FAM117A: variants seen among roughly 807,000 people sequenced by gnomAD.
FAM117A encodes the protein protein FAM117A.
In FAM117A, 21 loss-of-function variants were observed where a neutral mutation model predicts 44.1. The observed-to-expected ratio is 0.48, with a 90% CI of 0.34 to 0.69. The LOEUF (loss-of-function observed/expected upper bound fraction) is 0.69, where lower values mean the gene tolerates loss of function less well. Among genes scored for constraint, FAM117A ranks in the 30% least tolerant of loss-of-function variants. The probability of loss-of-function intolerance (pLI) is 0.01; values close to 1 mark genes in which losing one functional copy is unlikely to be tolerated. For synonymous variants in FAM117A, 220 were observed against 238.3 expected (o/e 0.92, Z 0.71); for missense variants, 498 against 589.9 (o/e 0.84, Z 1.61).
intron 1 of FAM117A, among the ~76,000 whole-genome samples, chr17:49,762,273 T>C (rs1054232817): frequency 6.6e-6 from 1 of 152,234 alleles, no homozygotes; most frequent in African/African-American, 2.4e-5. Context: ...CGGTTCTTGT[T>C]CTACCAACTT....
rs1393408673 is a variant in FAM117A at position 49,722,465 on chromosome 17, C to A, written c.462+34G>T. On this transcript the variant is annotated intron_variant, in intron 3 of 7. Coordinates refer to ENST00000240364, the MANE Select transcript of FAM117A (RefSeq NM_030802.4). ...GTACTAGGGGATCGAGAAGAAGCCG[C>A]TACCCTAGGCAGGGAGTCAAAGTGG... is the stretch of plus-strand genomic sequence containing the variant. 5 of 1,573,138 alleles carry A rather than the reference C, an allele frequency of 3.2e-6. No individual in the cohort carries two copies. In the South Asian group the frequency reaches 4.5e-5, roughly 14 times the overall value.
intron 1 of FAM117A, among the ~76,000 whole-genome samples, chr17:49,736,954 G>A (rs1431549367): frequency 1.3e-5 from 2 of 152,232 alleles, no homozygotes; most frequent in Non-Finnish European, 2.9e-5. Flanking sequence ...CTAAAGCATA[G>A]GGCTGGCAAT....
rs2073524523 is a variant in FAM117A, at chr17:49,719,778, T to C, written c.690A>G (p.Gly230=). 2 of 1,593,638 alleles carry C rather than the reference T, an allele frequency of 1.3e-6. No homozygotes were observed. Among genetic ancestry groups the C allele is most frequent in the African/African-American group, 2.7e-5 (2 of 73,370 alleles). ...CACTCACCCTCAGCAGCTCCTCTTCTCCCTGCTCCTTCACAAATACCTCCT... is the reference window on the plus strand; with the variant it reads ...CACTCACCCTCAGCAGCTCCTCTTCCCCCTGCTCCTTCACAAATACCTCCT... ...ELEEVFVKEQ[G]EEELLRILDI... The change falls in exon 5 of 8, where the codon GGA becomes GGG. Residue 230 remains glycine (G), a synonymous_variant. Coordinates refer to ENST00000240364, the MANE Select transcript of FAM117A (RefSeq NM_030802.4).
At chr17:49,732,945 T>C in intron 1 of FAM117A, 1 of 539,798 alleles carries the variant, frequency 1.9e-6, no homozygotes, top group Admixed American at 3.1e-5. Flanking sequence ...TATACCATTT[T>C]ACTTTGGACT....
upstream of FAM117A, among the ~76,000 whole-genome samples, chr17:49,765,174 GA>G (rs756626428): frequency 3.8e-4 from 58 of 151,942 alleles, no homozygotes; most frequent in South Asian, 2.1e-3. Flanking sequence ...TGCTTCAAAA[GA>G]AAAAAAATAT....
chr17:49,737,555 G>A (rs1009946816), intron 1 of FAM117A, among the ~76,000 whole-genome samples: 1 of 152,216 alleles, frequency 6.6e-6, no homozygotes, highest in African/African-American at 2.4e-5. Context: ...ATAAGTGACA[G>A]GAGAAAGGTT....
At chr17:49,755,959 T>C (rs999338348) in intron 1 of FAM117A, among the ~76,000 whole-genome samples, 3 of 152,060 alleles carry the variant, frequency 2.0e-5, no homozygotes, top group Non-Finnish European at 4.4e-5. Context: ...AGCTGCAGGG[T>C]GAGTTCCATT....
chr17:49,767,816 T>C (rs946331009), upstream of FAM117A, among the ~76,000 whole-genome samples: 3 of 152,010 alleles, frequency 2.0e-5, no homozygotes, highest in Non-Finnish European at 4.4e-5. Context: ...AGGCAGAGAA[T>C]TGCTTGAACC....
rs186681838 is a variant in FAM117A, at chr17:49,753,277, C to T, written c.196+10615G>A. Among the ~76,000 whole-genome samples, 23 of 152,324 alleles carry T rather than the reference C, an allele frequency of 1.5e-4. 1 individual carries two copies. In the East Asian group the frequency reaches 4.4e-3, roughly 29 times the overall value. ...CTGGGCAGGTGGCAGTGGATGCCAGCCTGAGACAAAATTCACAACGGACTT... is the reference window on the plus strand; with the variant it reads ...CTGGGCAGGTGGCAGTGGATGCCAGTCTGAGACAAAATTCACAACGGACTT... On this transcript the variant is annotated intron_variant, in intron 1 of 7. Transcript: ENST00000240364.
intron 1 of FAM117A, among the ~76,000 whole-genome samples, chr17:49,778,832 A>G (rs2073781918): frequency 6.6e-6 from 1 of 152,218 alleles, no homozygotes; most frequent in Non-Finnish European, 1.5e-5. Flanking sequence ...AAGAATCCAA[A>G]TAACACACAC....
chr17:49,722,710 A>G (rs1208226371), intron 2 of FAM117A, 116 bp from the exon 3 acceptor site: 1 of 745,398 alleles, frequency 1.3e-6, no homozygotes, highest in Non-Finnish European at 2.3e-6. Flanking sequence ...TCTGCTCATC[A>G]ACCTCTGAAC....
At chr17:49,768,741 C>T (rs2073752377), upstream of FAM117A, among the ~76,000 whole-genome samples, 1 of 152,054 alleles carries the variant, frequency 6.6e-6, no homozygotes, top group South Asian at 2.1e-4. Context: ...GGGTCCTAGC[C>T]CTCAGCATCT....
intron 1 of FAM117A, among the ~76,000 whole-genome samples, chr17:49,786,252 G>A (rs1045321200): frequency 1.3e-5 from 2 of 152,186 alleles, no homozygotes; most frequent in Non-Finnish European, 2.9e-5. Flanking sequence ...GTCAGCTGCA[G>A]TCTTAGGGAA....
intron 1 of FAM117A, among the ~76,000 whole-genome samples, chr17:49,780,560 G>T (rs2073786812): frequency 6.6e-6 from 1 of 152,102 alleles, no homozygotes; most frequent in South Asian, 2.1e-4. Flanking sequence ...AGTACAGATG[G>T]GGTTTTCCCA....
intron 1 of FAM117A, among the ~76,000 whole-genome samples, chr17:49,736,527 G>T (rs981121065): frequency 2.6e-5 from 4 of 152,194 alleles, no homozygotes; most frequent in African/African-American, 9.7e-5. Flanking sequence ...TTACATATGT[G>T]AGCCACTGCA....
intron 1 of FAM117A, among the ~76,000 whole-genome samples, chr17:49,782,321 G>C (rs1183298062): frequency 7.3e-6 from 1 of 137,360 alleles, no homozygotes; most frequent in Non-Finnish European, 1.5e-5. Context: ...AGCTTGCAGT[G>C]AGCCAAGACT....
intron 1 of FAM117A, among the ~76,000 whole-genome samples, chr17:49,780,843 C>CT (rs1174288576): frequency 1.3e-5 from 2 of 152,054 alleles, no homozygotes; most frequent in Non-Finnish European, 2.9e-5. Flanking sequence ...TCTGCCTTTT[C>CT]TTTTTGAGAT....
intron 1 of FAM117A, among the ~76,000 whole-genome samples, chr17:49,755,534 GTT>G (rs1429114031): frequency 6.6e-6 from 1 of 152,190 alleles, no homozygotes; most frequent in East Asian, 1.9e-4. Flanking sequence ...CACATTGGCT[GTT>G]TCCATGGATC....
Position 49,711,439 on chromosome 17 carries a change from C to T in FAM117A, c.1178G>A (p.Gly393Asp). The T allele has an allele frequency of 6.2e-7, 1 of 1,613,696 alleles. No homozygotes were observed. Among genetic ancestry groups the T allele is most frequent in the Non-Finnish European group, 8.5e-7 (1 of 1,179,896 alleles). The part of the protein sequence containing the change: ...PVNLMKPLFP[G>D]MGFIFRNCPS... ...GCAGTTACGGAAGATGAAGCCCATG[C>T]CGGGGAAGAGGGGCTTCATCAGGTT... is the stretch of plus-strand genomic sequence containing the variant. Residue 393 changes from glycine to aspartate, a missense_variant, in exon 8 of 8, where the codon GGC becomes GAC. Physicochemically the swap from Gly to Asp is moderately conservative, Grantham distance 94. Coordinates refer to ENST00000240364, the MANE Select transcript of FAM117A (RefSeq NM_030802.4).
Sources: allele counts gnomAD v4.1 joint callset (sites outside exome capture counted in the v4.1 genomes callset), GRCh38; gene constraint gnomAD v4.1.1; transcripts MANE v1.5; gene names NCBI Gene and HGNC (gene_info 2026-07-23, HGNC 2026-07-21).